Variants in PPIL4 observed in about 807,000 individuals in gnomAD.
The protein encoded by PPIL4 is peptidylprolyl isomerase like 4.
PPIL4 carries 50 observed loss-of-function variants against 69.1 expected under a neutral mutation model. That is an observed-to-expected ratio of 0.72 (90% confidence interval 0.58 to 0.92). PPIL4 has a LOEUF of 0.92. Among genes scored for constraint, PPIL4 ranks in the 40% least tolerant of loss-of-function variants. The probability of loss-of-function intolerance (pLI) is 0.00; values close to 1 mark genes in which losing one functional copy is unlikely to be tolerated. For missense variants in PPIL4, 480 were observed against 587.9 expected, an observed-to-expected ratio of 0.82 and a Z score of 1.90; for synonymous variants, 193 against 191.6, an observed-to-expected ratio of 1.01 and a Z score of -0.06.
At chr6:149,510,310 A>C (rs1214179982) in intron 12 of PPIL4, among the ~76,000 whole-genome samples, 1 of 152,220 alleles carries the variant, frequency 6.6e-6, no homozygotes, top group Non-Finnish European at 1.5e-5. Flanking sequence ...AGAGGGAAGA[A>C]GGAAAAGGGG....
At chr6:149,513,460 T>G in intron 11 of PPIL4, among the ~76,000 whole-genome samples, 1 of 121,198 alleles carries the variant, frequency 8.3e-6, no homozygotes, top group Middle Eastern at 4.9e-3. Flanking sequence ...ATATGCATAA[T>G]AGTATTACTT....
intron 9 of PPIL4, among the ~76,000 whole-genome samples, chr6:149,522,667 C>T (rs1162191819): frequency 6.6e-6 from 1 of 152,102 alleles, no homozygotes; most frequent in African/African-American, 2.4e-5. Context: ...GGTTGGAGTG[C>T]AGTGGTGCGA....
At chr6:149,539,318 C>T (rs529494186) in intron 4 of PPIL4, among the ~76,000 whole-genome samples, 2 of 152,314 alleles carry the variant, frequency 1.3e-5, no homozygotes, top group South Asian at 2.1e-4. Context: ...CCAACAGCAT[C>T]GTATGATACA....
chr6:149,526,499 CTTT>C (rs1166177753), intron 8 of PPIL4, among the ~76,000 whole-genome samples, 150 bp downstream of exon 8: 1 of 152,106 alleles, frequency 6.6e-6, no homozygotes, highest in Non-Finnish European at 1.5e-5. Flanking sequence ...CACATATATA[CTTT>C]TCTTCCCTAC....
At chr6:149,540,863 T>C (rs1459284661) in intron 4 of PPIL4, 79 bp downstream of exon 4, 1 of 844,432 alleles carries the variant, frequency 1.2e-6, no homozygotes, top group Non-Finnish European at 1.9e-6. Context: ...CCTTACTGGA[T>C]AGTTTAAAAA....
chr6:149,517,528 A>C (rs886683321), intron 10 of PPIL4, 78 bp from the exon 11 acceptor site: 2 of 657,632 alleles, frequency 3.0e-6, no homozygotes, highest in Admixed American at 3.3e-5. Context: ...TATAAAAAGC[A>C]TAAGAGCTAT....
At chr6:149,543,824 TAAAC>T (rs1172562791) in intron 1 of PPIL4, among the ~76,000 whole-genome samples, 1 of 152,248 alleles carries the variant, frequency 6.6e-6, no homozygotes, top group African/African-American at 2.4e-5. Flanking sequence ...TCACAGCTGT[TAAAC>T]AAAGCTGGTC....
intron 7 of PPIL4, among the ~76,000 whole-genome samples, chr6:149,530,900 C>G (rs1307228348): frequency 6.6e-6 from 1 of 152,056 alleles, no homozygotes; most frequent in Non-Finnish European, 1.5e-5. Context: ...TTGGAGACAC[C>G]AGGCAGTGGA....
At position 149,504,941 on chromosome 6, in the gene PPIL4, A is replaced by C. The variant is rs1776745078; in HGVS notation, c.*512T>G. 6.6e-6 allele frequency: 1 copy of C among 152,456 alleles called. No homozygotes were observed. The highest frequency in any genetic ancestry group is 2.4e-5 in the African/African-American group (1 of 41,464). 9.4% of individuals were successfully genotyped at this position (152,456 alleles called of 1,614,324 possible). A position where few individuals can be genotyped will look rare whatever the true frequency, so the allele number is the denominator to read the frequency against. Reference sequence around the variant, plus strand: ...CACAGAAGTAAACATTTTGCCATTTATATAAAATTCAGAAACATACAAAAT... The same window carrying C: ...CACAGAAGTAAACATTTTGCCATTTCTATAAAATTCAGAAACATACAAAAT... On this transcript the variant is annotated 3_prime_UTR_variant, in exon 13 of 13. Coordinates refer to ENST00000253329, the MANE Select transcript of PPIL4 (RefSeq NM_139126.4).
chr6:149,537,473 C>T (rs1434624809), intron 4 of PPIL4, among the ~76,000 whole-genome samples: 10 of 151,608 alleles, frequency 6.6e-5, no homozygotes, highest in African/African-American at 2.2e-4. Flanking sequence ...TTTGGGAGGC[C>T]GAGGCGGGTG....
chr6:149,526,558 T>C, intron 8 of PPIL4, 94 bp downstream of exon 8: 2 of 1,259,098 alleles, frequency 1.6e-6, no homozygotes, highest in South Asian at 2.7e-5. Context: ...AAAATTCGCC[T>C]AGAATTCACA....
At chr6:149,513,412 A>AAAAAAAAAAAAAAAAAAAAATAT (rs1554215970) in intron 11 of PPIL4, among the ~76,000 whole-genome samples, 1 of 55,328 alleles carries the variant, frequency 1.8e-5, no homozygotes, top group African/African-American at 7.6e-5. Context: ...AAAAAAAAAA[A>AAAAAAAAAAAAAAAAAAAAATAT]ATATATATAT....
chr6:149,539,342 T>C (rs1274721040), intron 4 of PPIL4, among the ~76,000 whole-genome samples: 7 of 152,178 alleles, frequency 4.6e-5, no homozygotes, highest in Non-Finnish European at 2.9e-5. Context: ...AAATCTTTCA[T>C]GAAAGGAAGA....
rs778319414 is a variant in PPIL4, at chr6:149,505,666, T to C, written c.1266A>G (p.Glu422=). The C allele has an allele frequency of 6.2e-7, 1 of 1,613,978 alleles. No homozygotes were observed. The highest frequency in any genetic ancestry group is 8.5e-7 in the Non-Finnish European group (1 of 1,179,962). Residue 422 remains glutamate (E), a synonymous_variant, in exon 13 of 13, where the codon GAA becomes GAG. Transcript: ENST00000253329. ...YREMGFGHYE[E]EESCWEKQKS... ...TTTGTTTCTCCCAACAGCTTTCTTC[T>C]TCTTCATAGTGACCAAACCCCATTT...
chr6:149,531,524 T>G (rs921616827), intron 7 of PPIL4, among the ~76,000 whole-genome samples: 3 of 99,880 alleles, frequency 3.0e-5, no homozygotes, highest in Admixed American at 1.1e-4. Context: ...CAACAGAAAC[T>G]CCGTCTCAAA....
intron 12 of PPIL4, among the ~76,000 whole-genome samples, chr6:149,508,565 G>C (rs1372689982): frequency 6.6e-6 from 1 of 152,126 alleles, no homozygotes; most frequent in Non-Finnish European, 1.5e-5. Flanking sequence ...CTAAATCAAA[G>C]ATCTGGTTAA....
intron 7 of PPIL4, among the ~76,000 whole-genome samples, chr6:149,530,753 A>G (rs1048190462): frequency 2.0e-5 from 3 of 152,180 alleles, no homozygotes; most frequent in African/African-American, 7.2e-5. Context: ...ACCACTTTGC[A>G]TAATTACCAC....
chr6:149,540,972 C>A lies in PPIL4; in HGVS notation c.291G>T (p.Val97=). ...KHKKKGTVSM[V]NNGSDQHGSQ... ...ATCCATGTTGATCACTGCCATTATT[C>A]ACCATGGACACTGTGCCTTTCTTCT... Residue 97 remains valine, a synonymous_variant, in exon 4 of 13, where the codon GTG becomes GTT. Coordinates refer to ENST00000253329, the MANE Select transcript of PPIL4 (RefSeq NM_139126.4). 1.2e-6 allele frequency: 2 copies of A among 1,609,816 alleles called. No homozygotes were observed. The highest frequency in any genetic ancestry group is 1.7e-6 in the Non-Finnish European group (2 of 1,176,832).
intron 4 of PPIL4, among the ~76,000 whole-genome samples, chr6:149,540,516 G>A (rs868371168): frequency 7.9e-5 from 12 of 152,294 alleles, no homozygotes; most frequent in Admixed American, 3.9e-4. Context: ...TCGGAAGGCC[G>A]AGGCAGGAGA....
Sources: gnomAD v4.1 joint callset for allele counts (sites outside exome capture counted in the v4.1 genomes callset) on GRCh38, gnomAD v4.1.1 for gene constraint, MANE v1.5 for transcripts, NCBI Gene and HGNC (gene_info 2026-07-23, HGNC 2026-07-21) for gene names.